The following POPDC1 variants were observed in gnomAD, a reference collection of about 807,000 sequenced individuals.
POPDC1 encodes the protein popeye domain-containing protein 1.
the POPDC1 span, among the ~76,000 whole-genome samples, chr6:105,117,895 A>G: frequency 2.0e-5 from 3 of 152,084 alleles, no homozygotes; most frequent in East Asian, 5.8e-4. Flanking sequence ...AACATACACA[A>G]ATTAGATGGA....
At chr6:105,127,304 C>A in the POPDC1 span, among the ~76,000 whole-genome samples, 7 of 152,180 alleles carry the variant, frequency 4.6e-5, no homozygotes, top group Non-Finnish European at 4.4e-5. Context: ...TCAGCAACTT[C>A]TGAACCTTAC....
the POPDC1 span, chr6:105,097,456 C>T: frequency 1.2e-4 from 18 of 152,266 alleles, no homozygotes; most frequent in African/African-American, 3.9e-4. Context: ...ACGCCACGCC[C>T]GCTGGGAAGG....
the POPDC1 span, chr6:105,125,541 C>T: frequency 1.2e-6 from 2 of 1,614,052 alleles, no homozygotes; most frequent in South Asian, 2.2e-5. Flanking sequence ...TTCAAACAAT[C>T]GCCGGTACAT....
the POPDC1 span, among the ~76,000 whole-genome samples, chr6:105,104,040 T>A: frequency 6.6e-5 from 10 of 152,138 alleles, no homozygotes; most frequent in African/African-American, 2.4e-4. Flanking sequence ...TAGGGTGACA[T>A]CCAGGGTTCT....
chr6:105,126,386 C>A, the POPDC1 span, among the ~76,000 whole-genome samples: 1 of 151,160 alleles, frequency 6.6e-6, no homozygotes, highest in African/African-American at 2.4e-5. Flanking sequence ...GAACTATGAT[C>A]GCACCATTGC....
At chr6:105,105,586 T>C in the POPDC1 span, among the ~76,000 whole-genome samples, 1 of 152,202 alleles carries the variant, frequency 6.6e-6, no homozygotes, top group Admixed American at 6.5e-5. Context: ...CATCCCTATA[T>C]AGCTGGAAAT....
At chr6:105,098,699 A>G in the POPDC1 span, 2 of 152,298 alleles carry the variant, frequency 1.3e-5, no homozygotes, top group South Asian at 4.1e-4. Flanking sequence ...TCACAGTTAC[A>G]CCTGTGCTCT....
chr6:105,103,791 G>A, the POPDC1 span, among the ~76,000 whole-genome samples: 1 of 152,120 alleles, frequency 6.6e-6, no homozygotes, highest in Non-Finnish European at 1.5e-5. Flanking sequence ...ATACTCTGGA[G>A]CCACAATGGT....
the POPDC1 span, among the ~76,000 whole-genome samples, chr6:105,112,981 C>T: frequency 6.6e-6 from 1 of 151,788 alleles, no homozygotes; most frequent in East Asian, 1.9e-4. Context: ...CCCAGGCTTC[C>T]GTGCAGTGGC....
At chr6:105,111,768 G>A in the POPDC1 span, among the ~76,000 whole-genome samples, 1 of 152,144 alleles carries the variant, frequency 6.6e-6, no homozygotes, top group Non-Finnish European at 1.5e-5. Context: ...TACAACATGA[G>A]AAATGGGAGC....
At chr6:105,129,584 T>C in the POPDC1 span, 6 of 1,349,884 alleles carry the variant, frequency 4.4e-6, no homozygotes, top group Non-Finnish European at 5.0e-6. Context: ...ATCCTCTATA[T>C]ATACAGTAGT....
At chr6:105,112,671 G>A in the POPDC1 span, among the ~76,000 whole-genome samples, 1 of 152,186 alleles carries the variant, frequency 6.6e-6, no homozygotes. Flanking sequence ...GGAATCAGGA[G>A]ATGACAGGTT....
the POPDC1 span, chr6:105,101,032 T>C: frequency 6.5e-7 from 1 of 1,531,856 alleles, no homozygotes; most frequent in African/African-American, 1.4e-5. Flanking sequence ...AGTGCTGGTA[T>C]TTTTCAGGAT....
chr6:105,123,652 A>C, the POPDC1 span, among the ~76,000 whole-genome samples: 3 of 152,270 alleles, frequency 2.0e-5, no homozygotes, highest in South Asian at 6.2e-4. Context: ...TGCCTGCCTC[A>C]GCCTCCCAAA....
At chr6:105,125,686 A>G in the POPDC1 span, 2 of 1,041,646 alleles carry the variant, frequency 1.9e-6, no homozygotes, top group South Asian at 3.0e-5. Flanking sequence ...TTTGATATAT[A>G]CCATCACCCT....
At chr6:105,102,141 G>A in the POPDC1 span, among the ~76,000 whole-genome samples, 1 of 152,176 alleles carries the variant, frequency 6.6e-6, no homozygotes, top group Non-Finnish European at 1.5e-5. Context: ...ACAGGGTGGA[G>A]TGGCATTCCG....
the POPDC1 span, among the ~76,000 whole-genome samples, chr6:105,103,700 T>G: frequency 1.3e-5 from 2 of 152,292 alleles, no homozygotes; most frequent in Admixed American, 1.3e-4. Context: ...TCTGAGGAAG[T>G]AGGACTAACT....
At chr6:105,109,717 T>G in the POPDC1 span, among the ~76,000 whole-genome samples, 1 of 129,816 alleles carries the variant, frequency 7.7e-6, no homozygotes, top group Non-Finnish European at 1.5e-5. Flanking sequence ...CGAGCTGTGA[T>G]CATGCCACTG....
At chr6:105,113,541 A>G in the POPDC1 span, among the ~76,000 whole-genome samples, 1 of 152,190 alleles carries the variant, frequency 6.6e-6, no homozygotes, top group Non-Finnish European at 1.5e-5. Flanking sequence ...AGGAGCTTTA[A>G]CAGCCAGCCA....
Sources: gnomAD v4.1 joint callset for allele counts (sites outside exome capture counted in the v4.1 genomes callset) on GRCh38, gnomAD v4.1.1 for gene constraint, MANE v1.5 for transcripts, NCBI Gene and HGNC (gene_info 2026-07-23, HGNC 2026-07-21) for gene names.